CADPS2: variants seen among roughly 807,000 people sequenced by gnomAD.
CADPS2 encodes calcium dependent secretion activator 2.
A neutral mutation model predicts 172.5 loss-of-function variants in CADPS2; 93 were observed. That is an observed-to-expected ratio of 0.54 (90% confidence interval 0.46 to 0.64). The LOEUF (loss-of-function observed/expected upper bound fraction) is 0.64. Ranked by LOEUF, CADPS2 falls within the 30% of genes least tolerant of loss-of-function variation. The pLI is 0.00. For missense variants in CADPS2, 1,420 were observed against 1,565.9 expected, an observed-to-expected ratio of 0.91 and a Z score of 1.57; for synonymous variants, 546 against 555.2, an observed-to-expected ratio of 0.98 and a Z score of 0.23.
At chr7:122,745,048 T>C (rs1023278173) in intron 1 of CADPS2, among the ~76,000 whole-genome samples, 4 of 152,082 alleles carry the variant, frequency 2.6e-5, no homozygotes, top group African/African-American at 9.7e-5. Flanking sequence ...ATACAATGTT[T>C]TGATATGTTA....
chr7:122,629,053 C>T (rs544418441), intron 4 of CADPS2, among the ~76,000 whole-genome samples, 195 bp downstream of exon 4: 15 of 151,758 alleles, frequency 9.9e-5, no homozygotes, highest in South Asian at 4.2e-4. Context: ...AGGATGAGTA[C>T]GTAAAATGAA....
At chr7:122,553,491 C>A (rs2064592546) in intron 8 of CADPS2, among the ~76,000 whole-genome samples, 1 of 152,080 alleles carries the variant, frequency 6.6e-6, no homozygotes. Flanking sequence ...TGTACTTTTT[C>A]CCTTTGGTGA....
intron 1 of CADPS2, among the ~76,000 whole-genome samples, chr7:122,752,516 A>G (rs2138431705): frequency 6.6e-6 from 1 of 152,324 alleles, no homozygotes. Flanking sequence ...AATTGTTTGC[A>G]TATTATAAGG....
At chr7:122,766,161 C>T (rs2093546367) in intron 1 of CADPS2, among the ~76,000 whole-genome samples, 1 of 151,936 alleles carries the variant, frequency 6.6e-6, no homozygotes, top group South Asian at 2.1e-4. Context: ...TAACCCAGTT[C>T]CAAGAGAAAA....
rs1008163151 is a variant in CADPS2 at position 122,399,660 on chromosome 7, C to CTTTTTTT, written c.2747-6085_2747-6079dup. Reference sequence around the variant, plus strand: ...CGATAACTCTCTCAAGGGTGGGTTTCTTTTTTTTTTTTTTTTTTTTTTTTT... The same window carrying CTTTTTTT: ...CGATAACTCTCTCAAGGGTGGGTTTCTTTTTTTTTTTTTTTTTTTTTTTTTTTTTTTT... On this transcript the variant is annotated intron_variant, in intron 20 of 29. Coordinates refer to ENST00000449022, the MANE Select transcript of CADPS2 (RefSeq NM_017954.11). Among the ~76,000 whole-genome samples, 88 of 51,224 alleles carry CTTTTTTT rather than the reference C, an allele frequency of 1.7e-3. 11 individuals carry two copies. The highest frequency in any genetic ancestry group is 2.3e-3 in the Non-Finnish European group (62 of 27,066). The allele number at this position is 51,224 out of a possible 152,430, so 33.6% of individuals were successfully genotyped here.
intron 29 of CADPS2, among the ~76,000 whole-genome samples, chr7:122,324,572 G>A (rs2033415693): frequency 6.6e-6 from 1 of 152,030 alleles, no homozygotes; most frequent in South Asian, 2.1e-4. Flanking sequence ...GATAGTGGTA[G>A]GTGAGGAATG....
intron 5 of CADPS2, among the ~76,000 whole-genome samples, chr7:122,618,113 C>T (rs976342695): frequency 4.6e-5 from 7 of 151,446 alleles, no homozygotes; most frequent in Admixed American, 3.3e-4. Context: ...CTTAAGTGAA[C>T]GTTTGTTTTT....
intron 2 of CADPS2, chr7:122,702,973 G>C (rs1041050848): frequency 4.3e-6 from 2 of 466,450 alleles, no homozygotes; most frequent in African/African-American, 4.0e-5. Flanking sequence ...GGTACCATGT[G>C]ATTTCAAGAA....
chr7:122,629,386 C>T (rs2076366682), intron 3 of CADPS2, 58 bp from the exon 4 acceptor site: 1 of 1,330,912 alleles, frequency 7.5e-7, no homozygotes, highest in African/African-American at 1.5e-5. Context: ...TACAGTGACC[C>T]ACAGACTGAG....
At chr7:122,812,408 T>TG (rs1037370107) in intron 1 of CADPS2, among the ~76,000 whole-genome samples, 3 of 147,870 alleles carry the variant, frequency 2.0e-5, no homozygotes, top group Admixed American at 6.7e-5. Context: ...AACACTTGTT[T>TG]GGAAAAAAAA....
intron 1 of CADPS2, among the ~76,000 whole-genome samples, chr7:122,874,670 G>C (rs1408895608): frequency 6.6e-6 from 1 of 152,118 alleles, no homozygotes; most frequent in Non-Finnish European, 1.5e-5. Context: ...CATGGTACTG[G>C]TACTGAAACA....
chr7:122,793,647 C>T (rs1370454031), intron 1 of CADPS2, among the ~76,000 whole-genome samples: 6 of 152,004 alleles, frequency 3.9e-5, no homozygotes, highest in Non-Finnish European at 8.8e-5. Context: ...AGTATTGATA[C>T]GTGTGAATTT....
At chr7:122,730,940 G>T (rs974120971) in intron 2 of CADPS2, among the ~76,000 whole-genome samples, 2 of 151,006 alleles carry the variant, frequency 1.3e-5, no homozygotes, top group Admixed American at 6.6e-5. Flanking sequence ...GAACATTTTT[G>T]AGATAAAAAT....
intron 28 of CADPS2, among the ~76,000 whole-genome samples, chr7:122,326,403 T>C (rs1020277048): frequency 2.6e-5 from 4 of 152,106 alleles, no homozygotes; most frequent in Non-Finnish European, 5.9e-5. Flanking sequence ...AAAGAAAATA[T>C]TGTTCCTGTT....
chr7:122,778,803 GT>G (rs2093959987), intron 1 of CADPS2, among the ~76,000 whole-genome samples: 1 of 152,248 alleles, frequency 6.6e-6, no homozygotes, highest in Non-Finnish European at 1.5e-5. Context: ...TCTGGGGACT[GT>G]TGGGAAGGCA....
At chr7:122,728,423 T>C (rs564244976) in intron 2 of CADPS2, among the ~76,000 whole-genome samples, 1 of 151,960 alleles carries the variant, frequency 6.6e-6, no homozygotes, top group South Asian at 2.1e-4. Flanking sequence ...ACCAATCTGA[T>C]AGCTGGTGGT....
intron 28 of CADPS2, among the ~76,000 whole-genome samples, chr7:122,328,216 T>C (rs1402124518): frequency 6.6e-6 from 1 of 151,874 alleles, no homozygotes; most frequent in African/African-American, 2.4e-5. Context: ...CCTCTAGCAC[T>C]TTCTTATTTC....
intron 24 of CADPS2, among the ~76,000 whole-genome samples, chr7:122,380,124 T>G (rs2042820611): frequency 6.6e-6 from 1 of 152,114 alleles, no homozygotes; most frequent in Non-Finnish European, 1.5e-5. Flanking sequence ...CAAAAAAAGA[T>G]GTATTTAAAA....
At chr7:122,324,728 G>A (rs966895805) in intron 29 of CADPS2, among the ~76,000 whole-genome samples, 1 of 152,114 alleles carries the variant, frequency 6.6e-6, no homozygotes, top group Non-Finnish European at 1.5e-5. Flanking sequence ...ATAGCTTAGA[G>A]TTATGTTTTC....
Sources: gnomAD v4.1 joint callset for allele counts (sites outside exome capture counted in the v4.1 genomes callset) on GRCh38, gnomAD v4.1.1 for gene constraint, MANE v1.5 for transcripts, NCBI Gene and HGNC (gene_info 2026-07-23, HGNC 2026-07-21) for gene names.